Variants in C2CD3 observed in about 807,000 individuals in gnomAD.
C2CD3 encodes C2 domain containing 3 centriole elongation regulator, also known as C2 domain-containing protein 3.
C2CD3 carries 148 observed loss-of-function variants against 234.0 expected under a neutral mutation model. The ratio of observed to expected loss-of-function variants is 0.63; its 90% confidence interval spans 0.55 to 0.72. The LOEUF is 0.72. C2CD3 is among the 30% of genes least tolerant of loss of function. The pLI is 0.00. For synonymous variants in C2CD3, 1,000 were observed against 1,035.4 expected (o/e 0.97, Z 0.66); for missense variants, 2,577 against 2,811.5 (o/e 0.92, Z 1.89).
chr11:74,017,568 G>A (rs1951923850), intron 32 of C2CD3, among the ~76,000 whole-genome samples: 1 of 152,230 alleles, frequency 6.6e-6, no homozygotes, highest in African/African-American at 2.4e-5. Flanking sequence ...TTCAAATTGA[G>A]TGGCTAACCC....
intron 24 of C2CD3, among the ~76,000 whole-genome samples, chr11:74,063,040 TA>T (rs1954323149): frequency 6.6e-6 from 1 of 152,128 alleles, no homozygotes; most frequent in African/African-American, 2.4e-5. Flanking sequence ...AAGAAATGGA[TA>T]AATTCCTGGA....
chr11:74,040,224 T>A (rs1952960906), intron 29 of C2CD3, among the ~76,000 whole-genome samples: 1 of 152,166 alleles, frequency 6.6e-6, no homozygotes, highest in Non-Finnish European at 1.5e-5. Flanking sequence ...CTTATGAGAA[T>A]CTAAATAATG....
chr11:74,058,928 C>G (rs1484593050), intron 24 of C2CD3, among the ~76,000 whole-genome samples: 1 of 152,134 alleles, frequency 6.6e-6, no homozygotes, highest in African/African-American at 2.4e-5. Context: ...GGCTACCATA[C>G]TGGACACTGA....
At chr11:74,168,045 T>C (rs1248651470) in intron 2 of C2CD3, 1 of 259,198 alleles carries the variant, frequency 3.9e-6, no homozygotes, top group Non-Finnish European at 7.4e-6. Flanking sequence ...ATTTATCAAC[T>C]TTGTGACCTT....
chr11:74,050,133 T>A (rs1247612624), intron 26 of C2CD3, among the ~76,000 whole-genome samples: 1 of 152,202 alleles, frequency 6.6e-6, no homozygotes, highest in African/African-American at 2.4e-5. Context: ...GAACTTATTT[T>A]TCCTAGGCTA....
chr11:74,013,400 G>T lies in C2CD3; in HGVS notation c.7047C>A (p.Tyr2349Ter). 8.7e-7 allele frequency: 1 copy of T among 1,150,996 alleles called. No homozygotes were observed. Among genetic ancestry groups the T allele is most frequent in the Non-Finnish European group, 1.2e-6 (1 of 864,276 alleles). 71.3% of individuals were successfully genotyped at this position (1,150,996 alleles called of 1,614,324 possible). Residue 2349 changes from tyrosine (Y) to a stop codon, truncating the protein, a stop_gained, in exon 33 of 33, where the codon TAC becomes TAA. Coordinates refer to ENST00000334126, the MANE Select transcript of C2CD3 (RefSeq NM_001286577.2). LOFTEE classifies it high-confidence loss of function. ...LRIARIFSSQ[Y>*]SQKD ...TCAGGCTGCGTCAGTCTTTCTGGGA[G>T]TACTGAGAAGAAAATATCCGTGCAA...
intron 3 of C2CD3, among the ~76,000 whole-genome samples, chr11:74,157,077 T>C (rs1033548947): frequency 6.6e-6 from 1 of 152,256 alleles, no homozygotes; most frequent in Non-Finnish European, 1.5e-5. Context: ...ATATGCAAAT[T>C]TGAATTTTCC....
chr11:74,102,258 T>G (rs1956342955), intron 14 of C2CD3, among the ~76,000 whole-genome samples: 1 of 152,240 alleles, frequency 6.6e-6, no homozygotes, highest in South Asian at 2.1e-4. Flanking sequence ...GAAGAAGTGA[T>G]AAATTCAGAT....
intron 3 of C2CD3, among the ~76,000 whole-genome samples, chr11:74,153,382 T>C (rs1373208072): frequency 1.3e-5 from 2 of 152,110 alleles, no homozygotes; most frequent in African/African-American, 4.8e-5. Context: ...AAAAGGCATA[T>C]AGATTAGAAA....
chr11:74,133,573 G>A lies in C2CD3; in HGVS notation c.956-16C>T, dbSNP rs903413576. The A allele has an allele frequency of 6.2e-7, 1 of 1,612,918 alleles. No individual in the cohort carries two copies. The highest frequency in any genetic ancestry group is 8.5e-7 in the Non-Finnish European group (1 of 1,179,548). On this transcript the variant is annotated splice_polypyrimidine_tract_variant and intron_variant, in intron 5 of 32. Transcript: ENST00000334126. Reference sequence around the variant, plus strand: ...TCTAACAGAGCTGAAGAGGGTAAATGCAGAAAACAGAAAAATCCAAAATGC... The same window carrying A: ...TCTAACAGAGCTGAAGAGGGTAAATACAGAAAACAGAAAAATCCAAAATGC...
In C2CD3 at chr11:74,078,529, C is replaced by T; in HGVS notation, c.4189G>A (p.Val1397Ile). The T allele has an allele frequency of 9.3e-6, 15 of 1,614,144 alleles. No individual in the cohort carries two copies. The highest frequency in any genetic ancestry group is 1.3e-5 in the Non-Finnish European group (15 of 1,180,030). ...WSFENSLKDF[V>I]RMDEGEPATV... is the part of the protein sequence containing the mutation. ...GCTGGCTCCCCTTCATCCATTCTGA[C>T]AAAATCTTTCAGGCTGTTCTCAAAG... The change falls in exon 23 of 33, where the codon GTC becomes ATC. Residue 1397 changes from valine to isoleucine, a missense_variant. Val to Ile is a conservative substitution (Grantham distance 29). Transcript: ENST00000334126.
intron 3 of C2CD3, chr11:74,142,484 A>C (rs929056750): frequency 5.3e-5 from 8 of 152,232 alleles, no homozygotes; most frequent in African/African-American, 1.9e-4. Flanking sequence ...ATAAATAAAC[A>C]ATTAACAAAA....
intron 24 of C2CD3, among the ~76,000 whole-genome samples, chr11:74,066,436 A>AAAAG (rs10624836): frequency 0.22 from 32,776 of 150,126 alleles, 3,970 homozygotes; most frequent in Admixed American, 0.29. Context: ...AAAAAAGTCA[A>AAAAG]AAAGAAAGAA....
chr11:74,082,186 G>C (rs986526073), intron 22 of C2CD3, among the ~76,000 whole-genome samples: 106 of 150,678 alleles, frequency 7.0e-4, no homozygotes, highest in African/African-American at 2.5e-3. Context: ...GCAGTGGTGC[G>C]ATCTCTAAAT....
At chr11:74,058,980 T>C (rs114894881) in intron 24 of C2CD3, among the ~76,000 whole-genome samples, 163 of 152,262 alleles carry the variant, frequency 1.1e-3, no homozygotes, top group African/African-American at 3.6e-3. Flanking sequence ...TTCTTTTGGA[T>C]AGCACTGAAT....
chr11:74,100,770 T>G, intron 14 of C2CD3, 94 bp from the exon 15 acceptor site: 1 of 1,070,352 alleles, frequency 9.3e-7, no homozygotes, highest in Non-Finnish European at 1.3e-6. Context: ...ACAGAAAGCC[T>G]ATTGTTAACA....
At chr11:74,150,834 T>C (rs1162939694) in intron 3 of C2CD3, among the ~76,000 whole-genome samples, 2 of 152,166 alleles carry the variant, frequency 1.3e-5, no homozygotes, top group Non-Finnish European at 2.9e-5. Flanking sequence ...AACATTCTAA[T>C]TTCCCTGATT....
chr11:74,068,680 C>T (rs181371678), intron 24 of C2CD3, among the ~76,000 whole-genome samples: 4 of 152,268 alleles, frequency 2.6e-5, no homozygotes, highest in East Asian at 3.9e-4. Context: ...AACTGGGCCT[C>T]GGTTTTCTCA....
At position 74,116,987 on chromosome 11, in the gene C2CD3, C is replaced by T. The variant is rs56156356; in HGVS notation, c.1520+1241G>A. Among the ~76,000 whole-genome samples, 372 of 72,960 alleles carry T rather than the reference C, an allele frequency of 5.1e-3. 17 individuals carry two copies. The highest frequency in any genetic ancestry group is 0.017 in the African/African-American group (299 of 17,774). 47.9% of individuals were successfully genotyped at this position (72,960 alleles called of 152,430 possible). On this transcript the variant is annotated intron_variant, in intron 9 of 32. Coordinates refer to ENST00000334126, the MANE Select transcript of C2CD3 (RefSeq NM_001286577.2). ...ATACACATATACACGTATATATACA[C>T]ATATACGTGTATATGTATATATACA...
Sources: gnomAD v4.1 joint callset for allele counts (sites outside exome capture counted in the v4.1 genomes callset) on GRCh38, gnomAD v4.1.1 for gene constraint, MANE v1.5 for transcripts, NCBI Gene and HGNC (gene_info 2026-07-23, HGNC 2026-07-21) for gene names.